The following NLGN4X variants were observed in gnomAD, a reference collection of about 807,000 sequenced individuals.
The protein encoded by NLGN4X is neuroligin 4 X-linked, also known as neuroligin-4, X-linked.
A neutral mutation model predicts 40.3 loss-of-function variants in NLGN4X; 3 were observed. The observed-to-expected ratio is 0.07, with a 90% confidence interval of 0.03 to 0.19. The LOEUF (loss-of-function observed/expected upper bound fraction) is 0.19. Ranked by LOEUF, NLGN4X falls within the 10% of genes least tolerant of loss-of-function variation. The pLI, the probability that NLGN4X is intolerant of heterozygous loss-of-function variation, is 1.00. For missense variants in NLGN4X, 382 were observed against 708.3 expected, an observed-to-expected ratio of 0.54 and a Z score of 5.23; for synonymous variants, 270 against 306.8, an observed-to-expected ratio of 0.88 and a Z score of 1.25.
chrX:5,941,176 AGG>A (rs200390860), intron 3 of NLGN4X, among the ~76,000 whole-genome samples: 2,986 of 24,696 alleles, frequency 0.12, 86 homozygotes, highest in South Asian at 0.18. Flanking sequence ...ATCGTATGCT[AGG>A]GGGTGTGTGT....
intron 1 of NLGN4X, among the ~76,000 whole-genome samples, chrX:6,154,851 C>A (rs1280509036): frequency 1.8e-5 from 2 of 111,605 alleles, no homozygotes; most frequent in Non-Finnish European, 3.8e-5. Flanking sequence ...CTCTGCAGGG[C>A]AGTTATTCTG....
chrX:6,135,684 G>C (rs1487665323), intron 2 of NLGN4X, among the ~76,000 whole-genome samples: 1 of 111,065 alleles, frequency 9.0e-6, no homozygotes, highest in Non-Finnish European at 1.9e-5. Context: ...ACTAAAATTA[G>C]GCCAGTACGC....
At chrX:6,029,137 C>G in intron 3 of NLGN4X, 143 bp downstream of exon 3, 1 of 677,373 alleles carries the variant, frequency 1.5e-6, no homozygotes, top group Non-Finnish European at 2.3e-6. Flanking sequence ...ATAAACATAT[C>G]CAATCACATA....
chrX:6,074,781 T>C (rs7881769), intron 2 of NLGN4X, among the ~76,000 whole-genome samples: 22,527 of 110,240 alleles, frequency 0.2, 1,793 homozygotes, highest in Admixed American at 0.26. Flanking sequence ...TCTGAGTTCG[T>C]GCCATCATCA....
chrX:5,975,193 T>C (rs1226761536), intron 3 of NLGN4X, among the ~76,000 whole-genome samples: 1 of 112,237 alleles, frequency 8.9e-6, no homozygotes, highest in Non-Finnish European at 1.9e-5. Context: ...AAAGTATAAC[T>C]GAGGACAAAC....
chrX:6,133,701 A>G (rs2039738802), intron 2 of NLGN4X, among the ~76,000 whole-genome samples: 1 of 111,783 alleles, frequency 8.9e-6, no homozygotes, highest in Non-Finnish European at 1.9e-5. Flanking sequence ...GGAGCCCAGG[A>G]ATCTGCATTT....
At chrX:6,119,108 C>T (rs192479181) in intron 2 of NLGN4X, among the ~76,000 whole-genome samples, 65 of 112,141 alleles carry the variant, frequency 5.8e-4, no homozygotes, top group African/African-American at 2.0e-3. Flanking sequence ...TCCTTATTCA[C>T]TTAAATTCCA....
intron 5 of NLGN4X, among the ~76,000 whole-genome samples, chrX:5,898,773 T>C (rs1445000003): frequency 1.8e-5 from 2 of 112,201 alleles, no homozygotes; most frequent in Non-Finnish European, 3.8e-5. Context: ...CTGTGAGTCA[T>C]CATCTGAGTG....
chrX:6,035,214 TCTC>T (rs1192146294), intron 2 of NLGN4X, among the ~76,000 whole-genome samples: 1 of 112,068 alleles, frequency 8.9e-6, no homozygotes, highest in African/African-American at 3.2e-5. Context: ...GGTTGGCAAA[TCTC>T]CTCTCCCAGT....
At chrX:6,034,785 G>A (rs777409395) in intron 2 of NLGN4X, among the ~76,000 whole-genome samples, 1 of 108,269 alleles carries the variant, frequency 9.2e-6, no homozygotes, top group South Asian at 4.1e-4. Context: ...CTCGGCTCAC[G>A]ACAACCTCCA....
intron 1 of NLGN4X, among the ~76,000 whole-genome samples, chrX:6,216,806 T>C (rs748912848): frequency 8.9e-6 from 1 of 112,146 alleles, no homozygotes; most frequent in South Asian, 3.7e-4. Context: ...TTTTAAGAGA[T>C]GGAGTGTCAC....
At position 5,892,239 on chromosome X, in the gene NLGN4X, C is replaced by CGGT. The variant is rs2031214279; in HGVS notation, c.*577_*578insACC. 1 of 119,240 alleles carries CGGT rather than the reference C, an allele frequency of 8.4e-6. No homozygotes were observed. The highest frequency in any genetic ancestry group is 8.7e-5 in the Admixed American group (1 of 11,506). The allele number at this position is 119,240 out of a possible 1,213,427, so 9.8% of individuals were successfully genotyped here. A position where few individuals can be genotyped will look rare whatever the true frequency, so the allele number is the denominator to read the frequency against. On this transcript the variant is annotated 3_prime_UTR_variant, in exon 6 of 6. Transcript: ENST00000381095. ...TTAAATATAGTTCAGGCTGGCAAAA[C>CGGT]ACCTCTTTGCACAGAACCGTACAGA... is the stretch of plus-strand genomic sequence containing the variant.
chrX:5,977,532 AATT>A (rs751655944), intron 3 of NLGN4X, among the ~76,000 whole-genome samples: 14 of 110,597 alleles, frequency 1.3e-4, no homozygotes, highest in Admixed American at 3.9e-4. Context: ...ACTTATTATT[AATT>A]ATTATTATTA....
chrX:5,946,884 A>G (rs778700488), intron 3 of NLGN4X, among the ~76,000 whole-genome samples: 2 of 111,265 alleles, frequency 1.8e-5, no homozygotes, highest in African/African-American at 6.5e-5. Context: ...CTATGTGATC[A>G]TGTGTTCTCA....
chrX:5,926,624 G>C (rs2033328322), intron 3 of NLGN4X, among the ~76,000 whole-genome samples: 1 of 110,537 alleles, frequency 9.0e-6, no homozygotes, highest in Non-Finnish European at 1.9e-5. Flanking sequence ...TTTAAATCCA[G>C]TACAAATATT....
At chrX:5,997,807 C>T (rs1285546546) in intron 3 of NLGN4X, among the ~76,000 whole-genome samples, 1 of 109,739 alleles carries the variant, frequency 9.1e-6, no homozygotes, top group African/African-American at 3.3e-5. Context: ...ACACAGCTCA[C>T]GAGGCTCTAA....
At chrX:6,075,776 G>T (rs1174493419) in intron 2 of NLGN4X, among the ~76,000 whole-genome samples, 2 of 111,417 alleles carry the variant, frequency 1.8e-5, no homozygotes, top group African/African-American at 6.5e-5. Flanking sequence ...TCCACCATGA[G>T]TGGAAGCTTC....
chrX:6,002,925 G>A (rs1055358364), intron 3 of NLGN4X, among the ~76,000 whole-genome samples: 3 of 111,530 alleles, frequency 2.7e-5, no homozygotes, highest in African/African-American at 3.3e-5. Flanking sequence ...CGGGGATGAC[G>A]GGACTCCTGG....
At chrX:6,028,550 T>A (rs1696810783) in intron 3 of NLGN4X, among the ~76,000 whole-genome samples, 1 of 109,642 alleles carries the variant, frequency 9.1e-6, no homozygotes, top group Admixed American at 9.7e-5. Context: ...TCCCAGCTAC[T>A]TGGGAGGCTG....
Sources: gnomAD v4.1 joint callset for allele counts (sites outside exome capture counted in the v4.1 genomes callset) on GRCh38, gnomAD v4.1.1 for gene constraint, MANE v1.5 for transcripts, NCBI Gene and HGNC (gene_info 2026-07-23, HGNC 2026-07-21) for gene names.